The following CADM4 variants were observed in gnomAD, a reference collection of about 807,000 sequenced individuals.
CADM4 encodes the protein TSLC1-like 2.
CADM4 carries 13 observed loss-of-function variants against 43.9 expected under a neutral mutation model. That is an observed-to-expected ratio of 0.30 (90% confidence interval 0.19 to 0.47). CADM4 has a LOEUF of 0.47. CADM4 is among the 20% of genes least tolerant of loss of function. CADM4 has a pLI of 1.00. For missense variants in CADM4, 420 were observed against 527.0 expected (o/e 0.80, Z 1.99); for synonymous variants, 209 against 220.9 (o/e 0.95, Z 0.48).
At chr19:43,640,048 G>A (rs1305597211), upstream of CADM4, among the ~76,000 whole-genome samples, 15 of 151,276 alleles carry the variant, frequency 9.9e-5, no homozygotes, top group Non-Finnish European at 1.9e-4. Flanking sequence ...TGCGCGGGAG[G>A]GCGACAGCGG....
In CADM4 at chr19:43,627,354, A is replaced by T; in HGVS notation, c.212-36T>A. 1 of 1,532,144 alleles carries T rather than the reference A, an allele frequency of 6.5e-7. No individual in the cohort carries two copies. The highest frequency in any genetic ancestry group is 8.8e-7 in the Non-Finnish European group (1 of 1,135,874). 94.9% of individuals were successfully genotyped at this position (1,532,144 alleles called of 1,614,324 possible). A position where few individuals can be genotyped will look rare whatever the true frequency, so the allele number is the denominator to read the frequency against. On this transcript the variant is annotated intron_variant, in intron 2 of 8. Coordinates refer to ENST00000222374, the MANE Select transcript of CADM4 (RefSeq NM_145296.2). This position sits in a 1 kb window ranked among gnomAD's most constrained non-coding sequence, Gnocchi z 4.0. ...TGAGGGGGAAGGTGTGAATTTCGGG[A>T]GTCCTGGCCTCACAAGTCCCACCCT...
chr19:43,625,297 C>A lies in CADM4; in HGVS notation c.756-47G>T. 6.4e-7 allele frequency: 1 copy of A among 1,563,358 alleles called. No individual in the cohort carries two copies. Among genetic ancestry groups the A allele is most frequent in the Non-Finnish European group, 8.7e-7 (1 of 1,148,672 alleles). Reference sequence around the variant, plus strand: ...TGAGAGTTAGGAACCGAGGTGCCAGCACCCAATTCTGACTTGTCAAGAATC... The same window carrying A: ...TGAGAGTTAGGAACCGAGGTGCCAGAACCCAATTCTGACTTGTCAAGAATC... On this transcript the variant is annotated intron_variant, in intron 6 of 8. Transcript: ENST00000222374. The surrounding 1 kb of genome is among the most constrained non-coding windows in gnomAD (Gnocchi z 4.5).
rs1370810697 is a variant in CADM4, at chr19:43,626,404, C to T, written c.500-116G>A. ...AGCTCCACCCCTTACCCACAGGCCCCGCCTCTTGTCCTCCAAGCTACGCCC... is the reference window on the plus strand; with the variant it reads ...AGCTCCACCCCTTACCCACAGGCCCTGCCTCTTGTCCTCCAAGCTACGCCC... On this transcript the variant is annotated intron_variant, in intron 4 of 8. Coordinates refer to ENST00000222374, the MANE Select transcript of CADM4 (RefSeq NM_145296.2). The surrounding 1 kb of genome is among the most constrained non-coding windows in gnomAD (Gnocchi z 5.9). The T allele has an allele frequency of 7.7e-7, 1 of 1,291,124 alleles. No individual in the cohort carries two copies. Among genetic ancestry groups the T allele is most frequent in the African/African-American group, 1.5e-5 (1 of 68,718 alleles). The allele number at this position is 1,291,124 out of a possible 1,614,324, so 80.0% of individuals were successfully genotyped here. A position where few individuals can be genotyped will look rare whatever the true frequency, so the allele number is the denominator to read the frequency against.
chr19:43,639,830 G>GGCACCT lies in CADM4; in HGVS notation c.-46_-41dup. The GGCACCT allele has an allele frequency of 3.0e-6, 3 of 988,574 alleles. No individual in the cohort carries two copies. The highest frequency in any genetic ancestry group is 3.6e-6 in the Non-Finnish European group (3 of 835,938). 61.2% of individuals were successfully genotyped at this position (988,574 alleles called of 1,614,324 possible). A position where few individuals can be genotyped will look rare whatever the true frequency, so the allele number is the denominator to read the frequency against. Reference sequence around the variant, plus strand: ...CGCCGCCGCCGCTCGCTCCCGGCCCGGCACCTGCACCGCCCGCGCCGCCCG... The same window carrying GGCACCT: ...CGCCGCCGCCGCTCGCTCCCGGCCCGGCACCTGCACCTGCACCGCCCGCGCCGCCCG... On this transcript the variant is annotated 5_prime_UTR_variant, in exon 1 of 9. Transcript: ENST00000222374.
At chr19:43,631,350 A>T (rs1204304159) in intron 1 of CADM4, among the ~76,000 whole-genome samples, 2 of 151,928 alleles carry the variant, frequency 1.3e-5, no homozygotes, top group Non-Finnish European at 2.9e-5. Context: ...CAAAAAAGAA[A>T]AAAAAAAAAG....
At chr19:43,636,799 G>A (rs1021808240) in intron 1 of CADM4, among the ~76,000 whole-genome samples, 13 of 150,994 alleles carry the variant, frequency 8.6e-5, no homozygotes, top group African/African-American at 2.7e-4. Context: ...GGGTGGGGGG[G>A]TCAGTGATAG....
intron 1 of CADM4, among the ~76,000 whole-genome samples, chr19:43,630,289 T>TTTTC (rs1973601495): frequency 7.2e-6 from 1 of 138,208 alleles, no homozygotes; most frequent in African/African-American, 2.8e-5. Flanking sequence ...TTCTTTTTTT[T>TTTTC]TTTTTTTTTT....
rs138811358 is a variant in CADM4, at chr19:43,627,932, G to A, written c.65-142C>T. The A allele has an allele frequency of 1.3e-5, 11 of 834,646 alleles. No homozygotes were observed. The highest frequency in any genetic ancestry group is 1.2e-4 in the African/African-American group (7 of 58,718). 51.7% of individuals were successfully genotyped at this position (834,646 alleles called of 1,614,324 possible). ...CCATTGCACTGAACATTTCCTGCAG[G>A]CTAGAGTCCAGGACAGGGAGGAAAT... On this transcript the variant is annotated intron_variant, in intron 1 of 8. Coordinates refer to ENST00000222374, the MANE Select transcript of CADM4 (RefSeq NM_145296.2). This position sits in a 1 kb window ranked among gnomAD's most constrained non-coding sequence, Gnocchi z 4.0.
rs1234953501 is a variant in CADM4, at chr19:43,626,093, TC to T, written c.664+30del. On this transcript the variant is annotated intron_variant, in intron 5 of 8. Transcript: ENST00000222374. This position sits in a 1 kb window ranked among gnomAD's most constrained non-coding sequence, Gnocchi z 5.9. ...CGGGTGCGGGTGGCTGGCGTTGGGA[TC>T]CCTTGGGTCCTGGCCCGCCGGTCAC... is the stretch of plus-strand genomic sequence containing the variant. 2 of 1,611,752 alleles carry T rather than the reference TC, an allele frequency of 1.2e-6. No homozygotes were observed. The highest frequency in any genetic ancestry group is 3.3e-5 in the Admixed American group (2 of 59,724).
intron 1 of CADM4, among the ~76,000 whole-genome samples, chr19:43,635,304 C>G (rs1306567580): frequency 6.6e-6 from 1 of 152,014 alleles, no homozygotes; most frequent in African/African-American, 2.4e-5. Flanking sequence ...TACATCCCTG[C>G]GTCCTGACTG....
chr19:43,633,656 TTCTC>T (rs908631096), intron 1 of CADM4, among the ~76,000 whole-genome samples: 22 of 144,228 alleles, frequency 1.5e-4, no homozygotes, highest in South Asian at 1.1e-3. Context: ...CTTTCTCTCT[TTCTC>T]TCTCTCTTTC....
intron 1 of CADM4, among the ~76,000 whole-genome samples, chr19:43,628,305 C>T (rs961075667): frequency 3.3e-5 from 5 of 150,200 alleles, no homozygotes; most frequent in Admixed American, 6.6e-5. Flanking sequence ...TGTGGTGGTG[C>T]GCACCTGTAG....
Position 43,625,146 on chromosome 19 carries a change from C to G in CADM4, c.860G>C (p.Gly287Ala). 1 of 1,613,992 alleles carries G rather than the reference C, an allele frequency of 6.2e-7. No individual in the cohort carries two copies. The highest frequency in any genetic ancestry group is 8.5e-7 in the Non-Finnish European group (1 of 1,179,944). Residue 287 changes from glycine (G) to alanine (A), a missense_variant, in exon 7 of 9, where the codon GGC becomes GCC. Gly to Ala is a moderately conservative substitution (Grantham distance 60). Coordinates refer to ENST00000222374, the MANE Select transcript of CADM4 (RefSeq NM_145296.2). The surrounding 1 kb of genome is among the most constrained non-coding windows in gnomAD (Gnocchi z 4.5). Reference sequence around the variant, plus strand: ...ATTGGACGCCTCGCAAGTGTAGGTGCCGTTATCCGCGGATACCAGACCCGG... The same window carrying G: ...ATTGGACGCCTCGCAAGTGTAGGTGGCGTTATCCGCGGATACCAGACCCGG... ...TLPGLVSADN[G>A]TYTCEASNKH...
chr19:43,627,885 CCT>C lies in CADM4; in HGVS notation c.65-97_65-96del. 3.3e-6 allele frequency: 4 copies of C among 1,229,880 alleles called. No individual in the cohort carries two copies. Among genetic ancestry groups the C allele is most frequent in the Non-Finnish European group, 4.7e-6 (4 of 857,358 alleles). The allele number at this position is 1,229,880 out of a possible 1,614,324, so 76.2% of individuals were successfully genotyped here. On this transcript the variant is annotated intron_variant, in intron 1 of 8. Coordinates refer to ENST00000222374, the MANE Select transcript of CADM4 (RefSeq NM_145296.2). This position sits in a 1 kb window ranked among gnomAD's most constrained non-coding sequence, Gnocchi z 4.0. ...CTCTTCCCCATCCAAACCTCCAATC[CCT>C]CTCTTTCCCCTCATTCATTCCATTG...
At chr19:43,624,524 T>A (rs1181643150) in intron 7 of CADM4, among the ~76,000 whole-genome samples, 1 of 152,156 alleles carries the variant, frequency 6.6e-6, no homozygotes, top group Non-Finnish European at 1.5e-5. Flanking sequence ...AGGCTGATCT[T>A]AAACTCCTGG....
chr19:43,626,645 G>A lies in CADM4; in HGVS notation c.499+139C>T. On this transcript the variant is annotated intron_variant, in intron 4 of 8. Coordinates refer to ENST00000222374, the MANE Select transcript of CADM4 (RefSeq NM_145296.2). The surrounding 1 kb of genome is among the most constrained non-coding windows in gnomAD (Gnocchi z 5.9). ...CCCAAAGTGCTAGGACTACAGGCGT[G>A]AGCCACCGCGCTCGACATCAACCAC... The A allele has an allele frequency of 1.7e-6, 2 of 1,172,178 alleles. No individual in the cohort carries two copies. Among genetic ancestry groups the A allele is most frequent in the South Asian group, 1.7e-5 (1 of 57,436 alleles). The allele number at this position is 1,172,178 out of a possible 1,614,324, so 72.6% of individuals were successfully genotyped here. A position where few individuals can be genotyped will look rare whatever the true frequency, so the allele number is the denominator to read the frequency against.
In CADM4 at chr19:43,626,197, G is replaced by A. The variant is rs1428082198; in HGVS notation, c.591C>T (p.Ile197=). The A allele has an allele frequency of 1.9e-6, 3 of 1,613,784 alleles. No individual in the cohort carries two copies. The East Asian group carries it at 6.7e-5, about 36-fold the overall frequency. Residue 197 remains isoleucine, a synonymous_variant, in exon 5 of 9, where the codon ATC becomes ATT. Transcript: ENST00000222374. The surrounding 1 kb of genome is among the most constrained non-coding windows in gnomAD (Gnocchi z 5.9). The part of the protein sequence containing the change: ...RVDRKDDGGI[I]ICEAQNQALP... The stretch of plus-strand genomic sequence containing the variant: ...GCGCCTGGTTCTGCGCCTCACAGAT[G>A]ATGATACCACCGTCGTCCTTACGGT...
chr19:43,640,973 C>T (rs1973765925), upstream of CADM4, among the ~76,000 whole-genome samples: 1 of 131,370 alleles, frequency 7.6e-6, no homozygotes, highest in African/African-American at 2.8e-5. Context: ...CTTCCCCCCT[C>T]CCCCCTCCCC....
chr19:43,628,731 C>T (rs2146143513), intron 1 of CADM4, among the ~76,000 whole-genome samples: 1 of 152,312 alleles, frequency 6.6e-6, no homozygotes, highest in East Asian at 1.9e-4. Context: ...TTGTAGCTTC[C>T]ACTCCTGCCC....
Sources: allele counts gnomAD v4.1 joint callset (sites outside exome capture counted in the v4.1 genomes callset), GRCh38; gene constraint gnomAD v4.1.1; non-coding constraint Gnocchi (gnomAD v3.1); transcripts MANE v1.5; gene names NCBI Gene and HGNC (gene_info 2026-07-23, HGNC 2026-07-21).